XKR9: variants seen among roughly 807,000 people sequenced by gnomAD.
The protein encoded by XKR9 is XK-related protein 9.
A neutral mutation model predicts 32.0 loss-of-function variants in XKR9; 32 were observed. The ratio of observed to expected loss-of-function variants is 1.00; its 90% CI spans 0.76 to 1.34. XKR9 has a LOEUF of 1.34. Ranked by LOEUF, XKR9 falls within the 40% of genes most tolerant of loss-of-function variation. The pLI, the probability that XKR9 is intolerant of heterozygous loss-of-function variation, is 0.00. For missense variants in XKR9, 546 were observed against 429.7 expected (o/e 1.27, Z -2.39); for synonymous variants, 168 against 143.4 (o/e 1.17, Z -1.22).
chr8:70,705,136 C>G (rs1421338909), intron 3 of XKR9, among the ~76,000 whole-genome samples: 8 of 152,116 alleles, frequency 5.3e-5, no homozygotes, highest in Non-Finnish European at 4.4e-5. Context: ...TTCAGCTTTC[C>G]AAAGCCCTTT....
chr8:70,689,047 C>G (rs554782136), intron 3 of XKR9, among the ~76,000 whole-genome samples: 1 of 151,956 alleles, frequency 6.6e-6, no homozygotes, highest in Non-Finnish European at 1.5e-5. Flanking sequence ...TCCCAACACA[C>G]AGAACAAAAG....
chr8:71,001,530 A>G, the XKR9 span, among the ~76,000 whole-genome samples: 1 of 152,168 alleles, frequency 6.6e-6, no homozygotes, highest in Non-Finnish European at 1.5e-5. Context: ...AAAATCACCT[A>G]CTTATTTTGC....
At chr8:70,782,300 A>T (rs62508776) in intron 2 of XKR9, among the ~76,000 whole-genome samples, 11,048 of 152,230 alleles carry the variant, frequency 0.073, 475 homozygotes, top group Non-Finnish European at 0.089. Flanking sequence ...ATAATCGTAT[A>T]CATTTATGGA....
chr8:70,764,845 G>T (rs1253941544), intron 2 of XKR9, among the ~76,000 whole-genome samples: 1 of 152,072 alleles, frequency 6.6e-6, no homozygotes, highest in Non-Finnish European at 1.5e-5. Flanking sequence ...TGCGGTGTTT[G>T]GTTTTCTGTT....
intron 3 of XKR9, among the ~76,000 whole-genome samples, chr8:70,697,935 T>G (rs1314743563): frequency 6.6e-6 from 1 of 151,994 alleles, no homozygotes; most frequent in Non-Finnish European, 1.5e-5. Context: ...GTCGAGGAAT[T>G]TATCCATTTC....
chr8:71,064,500 A>C, the XKR9 span, among the ~76,000 whole-genome samples: 525 of 152,340 alleles, frequency 3.4e-3, 2 homozygotes, highest in African/African-American at 0.012. Context: ...CCACGTATGG[A>C]ATGAAACATT....
At chr8:71,039,448 G>C in the XKR9 span, among the ~76,000 whole-genome samples, 1 of 152,108 alleles carries the variant, frequency 6.6e-6, no homozygotes, top group Non-Finnish European at 1.5e-5. Context: ...ATTGAATGCT[G>C]TACTGAAAGT....
At chr8:70,873,353 G>A in the XKR9 span, among the ~76,000 whole-genome samples, 10 of 152,114 alleles carry the variant, frequency 6.6e-5, no homozygotes, top group Non-Finnish European at 7.4e-5. Context: ...CTGCCTTACC[G>A]AGTAAGTCCT....
chr8:70,910,091 TG>T, the XKR9 span, among the ~76,000 whole-genome samples: 1 of 149,626 alleles, frequency 6.7e-6, no homozygotes, highest in Non-Finnish European at 1.5e-5. Context: ...CTGAACCCTG[TG>T]GGGAAAAAAA....
the XKR9 span, among the ~76,000 whole-genome samples, chr8:70,879,559 A>C: frequency 6.6e-6 from 1 of 152,220 alleles, no homozygotes; most frequent in Non-Finnish European, 1.5e-5. Context: ...AAAATCTAGA[A>C]GAAATGGATA....
chr8:70,934,308 A>AG, the XKR9 span, among the ~76,000 whole-genome samples: 2 of 152,018 alleles, frequency 1.3e-5, no homozygotes, highest in South Asian at 2.1e-4. Flanking sequence ...TATGACACTT[A>AG]GGGGGCTATA....
At chr8:70,887,271 CATTGGTCTAT>C in the XKR9 span, among the ~76,000 whole-genome samples, 1 of 152,006 alleles carries the variant, frequency 6.6e-6, no homozygotes, top group African/African-American at 2.4e-5. Flanking sequence ...TGTTCTGTTC[CATTGGTCTAT>C]ATATCTGTTT....
the XKR9 span, among the ~76,000 whole-genome samples, chr8:70,953,690 A>T: frequency 2.6e-4 from 39 of 152,308 alleles, no homozygotes; most frequent in Admixed American, 1.4e-3. Flanking sequence ...GTAGTCTTCC[A>T]TCCTGATGGG....
chr8:71,001,069 T>C, the XKR9 span, among the ~76,000 whole-genome samples: 6 of 152,204 alleles, frequency 3.9e-5, no homozygotes, highest in African/African-American at 1.4e-4. Flanking sequence ...CTGTTTCCCA[T>C]AGTCTTCTCA....
the XKR9 span, among the ~76,000 whole-genome samples, chr8:70,804,779 A>C: frequency 5.3e-5 from 8 of 152,200 alleles, no homozygotes; most frequent in African/African-American, 1.9e-4. Flanking sequence ...AATGAATATA[A>C]ATTTTTTGTT....
the XKR9 span, among the ~76,000 whole-genome samples, chr8:70,911,559 T>C: frequency 4.6e-5 from 7 of 152,214 alleles, no homozygotes; most frequent in Admixed American, 1.3e-4. Flanking sequence ...CACATATTTC[T>C]CTAGCACTTA....
At chr8:71,035,867 T>A in the XKR9 span, among the ~76,000 whole-genome samples, 1 of 152,100 alleles carries the variant, frequency 6.6e-6, no homozygotes, top group African/African-American at 2.4e-5. Context: ...CATAATACCC[T>A]CATTCTAGAG....
At chr8:70,911,905 G>T in the XKR9 span, among the ~76,000 whole-genome samples, 2 of 152,086 alleles carry the variant, frequency 1.3e-5, no homozygotes, top group African/African-American at 4.8e-5. Flanking sequence ...TATGAGAGAA[G>T]TGAACATACA....
intron 4 of XKR9, among the ~76,000 whole-genome samples, chr8:70,718,524 A>C (rs906067882): frequency 1.3e-5 from 2 of 151,910 alleles, no homozygotes; most frequent in African/African-American, 4.8e-5. Flanking sequence ...CCCTGTGTCC[A>C]TGTGTTCTCT....
Sources: allele counts gnomAD v4.1 joint callset (sites outside exome capture counted in the v4.1 genomes callset), GRCh38; gene constraint gnomAD v4.1.1; transcripts MANE v1.5; gene names NCBI Gene and HGNC (gene_info 2026-07-23, HGNC 2026-07-21).